The following FANCL variants were observed in gnomAD, a reference collection of about 807,000 sequenced individuals.
The protein encoded by FANCL is E3 ubiquitin-protein ligase FANCL.
In FANCL, 69 loss-of-function variants were observed where a neutral mutation model predicts 59.4. The observed-to-expected ratio is 1.16, with a 90% CI of 0.96 to 1.42. The LOEUF (loss-of-function observed/expected upper bound fraction) is 1.42. Ranked by LOEUF, FANCL falls within the 40% of genes most tolerant of loss-of-function variation. FANCL has a pLI of 0.00. For synonymous variants in FANCL, 180 were observed against 147.1 expected (o/e 1.22, Z -1.62); for missense variants, 519 against 447.2 (o/e 1.16, Z -1.45).
chr2:58,188,466 GTC>G (rs775029963), intron 7 of FANCL, among the ~76,000 whole-genome samples: 3 of 151,296 alleles, frequency 2.0e-5, no homozygotes, highest in Non-Finnish European at 2.9e-5. Context: ...TTGAGATAGG[GTC>G]TCTCTGTCAC....
At chr2:58,224,066 A>T (rs2103792311) in intron 4 of FANCL, among the ~76,000 whole-genome samples, 1 of 152,026 alleles carries the variant, frequency 6.6e-6, no homozygotes, top group African/African-American at 2.4e-5. Context: ...GAAATTGAAT[A>T]AATATACTAA....
intron 5 of FANCL, chr2:58,213,730 A>AAG (rs1022001162): frequency 9.1e-5 from 12 of 132,526 alleles, no homozygotes; most frequent in African/African-American, 3.8e-5. Context: ...AAAAAAAAAA[A>AAG]AGAGAGGGAA....
intron 5 of FANCL, among the ~76,000 whole-genome samples, chr2:58,215,135 TTTC>T (rs1243630842): frequency 5.9e-5 from 9 of 152,192 alleles, no homozygotes; most frequent in Non-Finnish European, 1.2e-4. Context: ...CAAAATAATA[TTTC>T]TTTATTCCAT....
chr2:58,170,566 G>C (rs1162276081), intron 7 of FANCL, among the ~76,000 whole-genome samples: 2 of 152,026 alleles, frequency 1.3e-5, no homozygotes, highest in Non-Finnish European at 2.9e-5. Flanking sequence ...AAAAGACACA[G>C]ACTGGCAAAT....
At chr2:58,163,865 T>A (rs1223092626) in intron 8 of FANCL, among the ~76,000 whole-genome samples, 2 of 151,400 alleles carry the variant, frequency 1.3e-5, no homozygotes, top group African/African-American at 2.4e-5. Context: ...AAGAAATAAC[T>A]ATCTAAATTA....
At chr2:58,202,814 G>A (rs1352236788) in intron 6 of FANCL, among the ~76,000 whole-genome samples, 2 of 151,820 alleles carry the variant, frequency 1.3e-5, no homozygotes, top group Admixed American at 6.6e-5. Context: ...GTTAAAGGCA[G>A]CACAAATTTA....
chr2:58,191,536 C>T lies in FANCL; in HGVS notation c.540+7058G>A, dbSNP rs555983371. On this transcript the variant is annotated intron_variant, in intron 7 of 13. Coordinates refer to ENST00000233741, the MANE Select transcript of FANCL (RefSeq NM_018062.4). The stretch of plus-strand genomic sequence containing the variant: ...TATATGTAGTCACCTTCCACATCCA[C>T]GTAGCCTGGTGAGATTGACCATGAT... Among the ~76,000 whole-genome samples, 7 of 152,000 alleles carry T rather than the reference C, an allele frequency of 4.6e-5. No individual in the cohort carries two copies. In the South Asian group the frequency reaches 1.4e-3, roughly 31 times the overall value.
intron 5 of FANCL, among the ~76,000 whole-genome samples, chr2:58,220,995 G>A (rs910819273): frequency 2.0e-5 from 3 of 152,126 alleles, no homozygotes; most frequent in African/African-American, 4.8e-5. Context: ...GGCGGATCAC[G>A]AGGTCAGGAG....
intron 5 of FANCL, among the ~76,000 whole-genome samples, chr2:58,217,215 T>TACACACAC (rs368257506): frequency 4.8e-5 from 1 of 20,862 alleles, no homozygotes; most frequent in African/African-American, 1.9e-4. Flanking sequence ...TATATATATA[T>TACACACAC]ACACACACAC....
chr2:58,233,364 T>C (rs997649073), intron 1 of FANCL, among the ~76,000 whole-genome samples: 10 of 152,072 alleles, frequency 6.6e-5, no homozygotes, highest in African/African-American at 2.2e-4. Context: ...GATACTTTCC[T>C]GATTCAAGAA....
At chr2:58,207,167 T>C (rs1690669634) in intron 5 of FANCL, among the ~76,000 whole-genome samples, 1 of 152,132 alleles carries the variant, frequency 6.6e-6, no homozygotes, top group Non-Finnish European at 1.5e-5. Flanking sequence ...GAACTATGCT[T>C]TCCTCTCTTC....
rs764413990 is a variant in FANCL at position 58,163,421 on chromosome 2, T to G, written c.775+13A>C. ...GACTCTATTAAAAAACGTTTAAATC[T>G]CAGATGTCATACCATGGTCAGCTCC... is the stretch of plus-strand genomic sequence containing the variant. On this transcript the variant is annotated intron_variant, in intron 9 of 13. Coordinates refer to ENST00000233741, the MANE Select transcript of FANCL (RefSeq NM_018062.4). 4.7e-5 allele frequency: 74 copies of G among 1,580,236 alleles called. No homozygotes were observed. Among genetic ancestry groups the G allele is most frequent in the Non-Finnish European group, 5.9e-5 (68 of 1,149,686 alleles).
chr2:58,217,531 T>G (rs570765937), intron 5 of FANCL, among the ~76,000 whole-genome samples: 1 of 152,000 alleles, frequency 6.6e-6, no homozygotes, highest in African/African-American at 2.4e-5. Flanking sequence ...TTTTAAAATA[T>G]GTAACTAATT....
intron 2 of FANCL, among the ~76,000 whole-genome samples, chr2:58,231,310 T>A (rs1461271072): frequency 1.3e-5 from 2 of 152,172 alleles, no homozygotes; most frequent in Non-Finnish European, 2.9e-5. Context: ...GGTCTCACAC[T>A]CTATTTCCAC....
chr2:58,202,426 G>T (rs186239259), intron 6 of FANCL, among the ~76,000 whole-genome samples: 7 of 150,782 alleles, frequency 4.6e-5, no homozygotes, highest in Admixed American at 1.3e-4. Flanking sequence ...CAGCTATGGT[G>T]TATATATGAA....
At chr2:58,226,622 G>A in intron 4 of FANCL, 106 bp downstream of exon 4, 1 of 821,638 alleles carries the variant, frequency 1.2e-6, no homozygotes, top group Non-Finnish European at 2.0e-6. Context: ...AAATGACTGA[G>A]AGTTAAGAAG....
intron 6 of FANCL, among the ~76,000 whole-genome samples, chr2:58,201,267 T>A (rs993695632): frequency 6.6e-6 from 1 of 151,514 alleles, no homozygotes; most frequent in Non-Finnish European, 1.5e-5. Flanking sequence ...CAACAAAAGC[T>A]CCATATCATA....
In FANCL at chr2:58,159,697, T is replaced by C. The variant is rs367894688; in HGVS notation, c.*68A>G. ...TCTTGCTTTATTTTTTCTCTGAAGA[T>C]GATACCAAAATTCCTTTTGATAATT... On this transcript the variant is annotated 3_prime_UTR_variant, in exon 14 of 14. Transcript: ENST00000233741. 24 of 1,612,342 alleles carry C rather than the reference T, an allele frequency of 1.5e-5. No individual in the cohort carries two copies. Among genetic ancestry groups the C allele is most frequent in the Non-Finnish European group, 2.0e-5 (24 of 1,179,398 alleles).
intron 7 of FANCL, among the ~76,000 whole-genome samples, chr2:58,187,008 G>A (rs1387998104): frequency 6.6e-6 from 1 of 152,192 alleles, no homozygotes; most frequent in African/African-American, 2.4e-5. Context: ...ACAGTGTGGC[G>A]ATTCCTCAAG....
Sources: allele counts gnomAD v4.1 joint callset (sites outside exome capture counted in the v4.1 genomes callset), GRCh38; gene constraint gnomAD v4.1.1; transcripts MANE v1.5; gene names NCBI Gene and HGNC (gene_info 2026-07-23, HGNC 2026-07-21).